The following C2 variants were observed in gnomAD, a reference collection of about 807,000 sequenced individuals.
The protein encoded by C2 is C3/C5 convertase.
Under a neutral mutation model 85.2 loss-of-function variants are expected in C2, and 64 were observed. The ratio of observed to expected loss-of-function variants is 0.75; its 90% confidence interval spans 0.61 to 0.92. C2 has a LOEUF of 0.92. C2 is among the 40% of genes least tolerant of loss of function. The probability of loss-of-function intolerance (pLI) is 0.00; values close to 1 mark genes in which losing one functional copy is unlikely to be tolerated. For synonymous variants in C2, 311 were observed against 370.8 expected (o/e 0.84, Z 1.85); for missense variants, 820 against 971.6 (o/e 0.84, Z 2.07).
chr6:31,939,120 T>G (rs1582106077), intron 8 of C2, 111 bp from the exon 9 acceptor site: 1 of 806,668 alleles, frequency 1.2e-6, no homozygotes, highest in Non-Finnish European at 2.2e-6. Context: ...TTTGAAGCTC[T>G]CACAGGCAAT....
exon 1 of C2, chr6:31,901,136 A>G: frequency 6.2e-7 from 1 of 1,613,898 alleles, no homozygotes; most frequent in South Asian, 1.1e-5. Flanking sequence ...GTCCCGCAGG[A>G]AGGGTGAGCA....
upstream of C2, among the ~76,000 whole-genome samples, chr6:31,899,059 G>A (rs966917515): frequency 6.6e-6 from 1 of 151,478 alleles, no homozygotes. Flanking sequence ...GCAGTTGCCA[G>A]AGTGTAAAGG....
chr6:31,943,466 C>G lies in C2; in HGVS notation c.1506C>G (p.Val502=), dbSNP rs773084699. The stretch of plus-strand genomic sequence containing the variant: ...GGGCCCTCATCTCCGACCAATGGGT[C>G]CTGACAGCAGCTCATTGCTTCCGCG... ...CRGALISDQW[V]LTAAHCFRDG... is the part of the protein sequence containing the mutation. The change falls in exon 12 of 18, where the codon GTC becomes GTG. Residue 502 remains valine, a synonymous_variant. Coordinates refer to ENST00000299367, the MANE Select transcript of C2 (RefSeq NM_000063.6). This position sits in a 1 kb window ranked among gnomAD's most constrained non-coding sequence, Gnocchi z 6.4. 6.2e-7 allele frequency: 1 copy of G among 1,613,104 alleles called. No homozygotes were observed. The highest frequency in any genetic ancestry group is 8.5e-7 in the Non-Finnish European group (1 of 1,180,038).
chr6:31,945,181 G>A lies in C2; in HGVS notation c.2083G>A (p.Gly695Ser). Reference sequence around the variant, plus strand: ...CCAGTTCTCTCCTTTTCTCCAGGTGGGTCTGGTGAGCTGGGGTCTTTACAA... The same window carrying A: ...CCAGTTCTCTCCTTTTCTCCAGGTGAGTCTGGTGAGCTGGGGTCTTTACAA... The part of the protein sequence containing the change: ...LERRFRFFQV[G>S]LVSWGLYNPC... The change falls in exon 18 of 18, where the codon GGT (glycine) becomes AGT (serine). Residue 695 changes from glycine (G) to serine (S), a missense_variant. Physicochemically the swap from Gly to Ser is moderately conservative, Grantham distance 56. Transcript: ENST00000299367. This position sits in a 1 kb window ranked among gnomAD's most constrained non-coding sequence, Gnocchi z 5.3. 6.2e-7 allele frequency: 1 copy of A among 1,612,884 alleles called. No individual in the cohort carries two copies. The highest frequency in any genetic ancestry group is 8.5e-7 in the Non-Finnish European group (1 of 1,179,976).
In C2 at chr6:31,933,851, G is replaced by T; in HGVS notation, c.617-16G>T. On this transcript the variant is annotated splice_polypyrimidine_tract_variant and intron_variant, in intron 4 of 17. Coordinates refer to ENST00000299367, the MANE Select transcript of C2 (RefSeq NM_000063.6). The stretch of plus-strand genomic sequence containing the variant: ...GGCCACTGCCCCGGCTGACTCCTGT[G>T]TGGCTCTCCCCACAGAACCCTACTC... 6.2e-7 allele frequency: 1 copy of T among 1,613,876 alleles called. No homozygotes were observed. Among genetic ancestry groups the T allele is most frequent in the Non-Finnish European group, 8.5e-7 (1 of 1,179,898 alleles).
At position 31,942,960 on chromosome 6, in the gene C2, C is replaced by T. The variant is rs1771001209; in HGVS notation, c.1221C>T (p.Asp407=). 2 of 1,613,060 alleles carry T rather than the reference C, an allele frequency of 1.2e-6. No homozygotes were observed. The highest frequency in any genetic ancestry group is 1.7e-6 in the Non-Finnish European group (2 of 1,180,016). ...GGTGATTTCCCTCTTCCCCACCAGACATCTATGCCATCGGGGTGGGCAAGC... is the reference window on the plus strand; with the variant it reads ...GGTGATTTCCCTCTTCCCCACCAGATATCTATGCCATCGGGGTGGGCAAGC... ...NINQKRNDYL[D]IYAIGVGKLD... Residue 407 remains aspartate (D), a splice_region_variant and synonymous_variant, in exon 10 of 18, where the codon GAC becomes GAT. Coordinates refer to ENST00000299367, the MANE Select transcript of C2 (RefSeq NM_000063.6).
chr6:31,916,223 T>G (rs955582756), upstream of C2, among the ~76,000 whole-genome samples: 3 of 151,998 alleles, frequency 2.0e-5, no homozygotes, highest in Non-Finnish European at 4.4e-5. Flanking sequence ...GAAGCGAGGC[T>G]ATAGGGAGTG....
upstream of C2, chr6:31,927,546 A>T: frequency 6.7e-7 from 1 of 1,486,428 alleles, no homozygotes; most frequent in Non-Finnish European, 8.9e-7. This position sits in a 1 kb window ranked among gnomAD's most constrained non-coding sequence, Gnocchi z 4.7. Flanking sequence ...AGCATCAGGG[A>T]GACAGGGCAA....
At chr6:31,910,287 G>A (rs1401266786) in intron 1 of C2, among the ~76,000 whole-genome samples, 1 of 150,666 alleles carries the variant, frequency 6.6e-6, no homozygotes, top group Non-Finnish European at 1.5e-5. Flanking sequence ...TCATGTCCTT[G>A]TTGGCCATTT....
upstream of C2, among the ~76,000 whole-genome samples, chr6:31,924,033 C>T (rs894069148): frequency 1.6e-4 from 24 of 151,490 alleles, no homozygotes; most frequent in Non-Finnish European, 3.4e-4. Flanking sequence ...ATCTCCTGAC[C>T]TTGTGATCCA....
Position 31,943,227 on chromosome 6 carries a change from G to T in C2, c.1363G>T (p.Val455Phe). ...CCATCTGATCCTCACACCCACAGAT[G>T]TCTCCAAGCTCACAGACACCATCTG... Reference protein sequence around the residue: ...LHQVFEHMLDVSKLTDTICGV... With the variant: ...LHQVFEHMLDFSKLTDTICGV... Residue 455 changes from valine to phenylalanine, a missense_variant and splice_region_variant, in exon 11 of 18, where the codon GTC (valine) becomes TTC (phenylalanine). Coordinates refer to ENST00000299367, the MANE Select transcript of C2 (RefSeq NM_000063.6). The surrounding 1 kb of genome is among the most constrained non-coding windows in gnomAD (Gnocchi z 6.4). 6.2e-7 allele frequency: 1 copy of T among 1,613,044 alleles called. No individual in the cohort carries two copies. The highest frequency in any genetic ancestry group is 8.5e-7 in the Non-Finnish European group (1 of 1,180,010).
chr6:31,939,905 T>C (rs898718932), intron 9 of C2, among the ~76,000 whole-genome samples: 3 of 151,764 alleles, frequency 2.0e-5, no homozygotes, highest in African/African-American at 7.3e-5. Flanking sequence ...GCCTCCAGAG[T>C]AGCTGGGATT....
At position 31,944,716 on chromosome 6, in the gene C2, C is replaced by T. The variant is rs778610492; in HGVS notation, c.1903-11C>T. ...ATTCTACCCTTCTCTCTGGTTCCAC[C>T]CCTGCTGCAGTGGACAAGCTGTGCC... On this transcript the variant is annotated splice_polypyrimidine_tract_variant and intron_variant, in intron 15 of 17. Coordinates refer to ENST00000299367, the MANE Select transcript of C2 (RefSeq NM_000063.6). The surrounding 1 kb of genome is among the most constrained non-coding windows in gnomAD (Gnocchi z 5.1). 1.9e-6 allele frequency: 3 copies of T among 1,613,056 alleles called. No individual in the cohort carries two copies. Among genetic ancestry groups the T allele is most frequent in the African/African-American group, 2.7e-5 (2 of 75,060 alleles).
intron 1 of C2, among the ~76,000 whole-genome samples, chr6:31,905,957 A>T (rs1215672093): frequency 6.6e-6 from 1 of 152,096 alleles, no homozygotes; most frequent in Non-Finnish European, 1.5e-5. Flanking sequence ...TGTCTAAGAC[A>T]TTCAAAGTAT....
At chr6:31,926,640 T>G (rs1173168413), upstream of C2, among the ~76,000 whole-genome samples, 1 of 151,730 alleles carries the variant, frequency 6.6e-6, no homozygotes, top group Non-Finnish European at 1.5e-5. Flanking sequence ...TCTTATTTTT[T>G]TTTTTTCTTT....
chr6:31,934,016 C>A (rs772242480), intron 5 of C2, 51 bp downstream of exon 5: 1 of 1,570,330 alleles, frequency 6.4e-7, no homozygotes, highest in South Asian at 1.1e-5. Context: ...GGATCTGGGC[C>A]GGAGCAAGGG....
At chr6:31,901,325 C>G (rs544783355) in intron 1 of C2, 6 of 1,593,398 alleles carry the variant, frequency 3.8e-6, no homozygotes, top group Non-Finnish European at 5.1e-6. Flanking sequence ...GGTGGGCAAC[C>G]CTGGTTGGGA....
chr6:31,919,220 C>A, upstream of C2, among the ~76,000 whole-genome samples: 1 of 150,834 alleles, frequency 6.6e-6, no homozygotes, highest in African/African-American at 2.4e-5. Context: ...TCTCAGCTCA[C>A]AGCAACCTCT....
chr6:31,930,658 T>C (rs1769665939), intron 3 of C2, among the ~76,000 whole-genome samples: 1 of 152,156 alleles, frequency 6.6e-6, no homozygotes, highest in Non-Finnish European at 1.5e-5. Flanking sequence ...TAGCACATCA[T>C]ACAGAAGACA....
Sources: gnomAD v4.1 joint callset for allele counts (sites outside exome capture counted in the v4.1 genomes callset) on GRCh38, gnomAD v4.1.1 for gene constraint, Gnocchi (gnomAD v3.1) non-coding constraint, MANE v1.5 for transcripts, NCBI Gene and HGNC (gene_info 2026-07-23, HGNC 2026-07-21) for gene names.